The following GLI3 variants were observed in gnomAD, a reference collection of about 807,000 sequenced individuals.
GLI3 encodes the protein GLI family zinc finger 3, also known as transcription activator GLI3.
In GLI3, 20 loss-of-function variants were observed where a neutral mutation model predicts 100.8. The observed-to-expected ratio is 0.20, with a 90% CI of 0.14 to 0.29. The LOEUF (loss-of-function observed/expected upper bound fraction) is 0.29. Ranked by LOEUF, GLI3 falls within the 10% of genes least tolerant of loss-of-function variation. The pLI is 1.00. For synonymous variants in GLI3, 938 were observed against 860.5 expected, an observed-to-expected ratio of 1.09 and a Z score of -1.58; for missense variants, 2,040 against 2,128.5, an observed-to-expected ratio of 0.96 and a Z score of 0.82.
chr7:42,022,280 A>G (rs184399726), intron 10 of GLI3, among the ~76,000 whole-genome samples: 38 of 152,334 alleles, frequency 2.5e-4, no homozygotes, highest in African/African-American at 8.7e-4. Context: ...TGTAACTGCA[A>G]TGCGTGGAAT....
At position 42,045,762 on chromosome 7, in the gene GLI3, TG is replaced by T. The variant is rs545230702; in HGVS notation, c.680-233del. Among the ~76,000 whole-genome samples, 93 of 152,356 alleles carry T rather than the reference TG, an allele frequency of 6.1e-4. 6 individuals are homozygous for T. The South Asian group carries it at 0.019, about 31-fold the overall frequency. On this transcript the variant is annotated intron_variant, in intron 5 of 14. Transcript: ENST00000395925. ...AAAGTGAAATGCATTACTAAGTTTTTGTTGTTGGTCTAAGAAATTATCAACA... is the reference window on the plus strand; with the variant it reads ...AAAGTGAAATGCATTACTAAGTTTTTTTGTTGGTCTAAGAAATTATCAACA...
intron 3 of GLI3, among the ~76,000 whole-genome samples, chr7:42,084,590 C>T (rs1229093452): frequency 6.6e-6 from 1 of 152,138 alleles, no homozygotes; most frequent in Non-Finnish European, 1.5e-5. Flanking sequence ...GCTTTCCTGC[C>T]AGGATAAGAG....
At chr7:42,026,135 G>T in intron 8 of GLI3, 64 bp downstream of exon 8, 1 of 1,047,226 alleles carries the variant, frequency 9.5e-7, no homozygotes, top group South Asian at 1.3e-5. Context: ...AACAGCTGAC[G>T]TGGTGGCCTG....
intron 2 of GLI3, among the ~76,000 whole-genome samples, chr7:42,189,008 C>A (rs777947460): frequency 1.3e-5 from 2 of 152,036 alleles, no homozygotes; most frequent in Admixed American, 6.5e-5. Context: ...GGTGATAATG[C>A]GATGTCCATG....
At position 42,023,490 on chromosome 7, in the gene GLI3, T is replaced by A; in HGVS notation, c.1475A>T (p.Asp492Val). The change falls in exon 10 of 15, where the codon GAC becomes GTC. Residue 492 changes from aspartate to valine, a missense_variant. By Grantham distance (152) the Asp-to-Val change is radical (BLOSUM62 -3). Coordinates refer to ENST00000395925, the MANE Select transcript of GLI3 (RefSeq NM_000168.6). ...TACGTGCACAAGCTGCTCTTGGGTG[T>A]CGAACTCCCTCGCGCAGCCTTCCCA... ...CHWEGCAREF[D>V]TQEQLVHHIN... The A allele has an allele frequency of 6.2e-7, 1 of 1,614,192 alleles. No homozygotes were observed. The highest frequency in any genetic ancestry group is 1.1e-5 in the South Asian group (1 of 91,088).
At chr7:42,005,575 C>T (rs1012972995) in intron 10 of GLI3, among the ~76,000 whole-genome samples, 58 of 151,776 alleles carry the variant, frequency 3.8e-4, no homozygotes, top group Non-Finnish European at 6.6e-4. Flanking sequence ...CTTTTGTACC[C>T]TTGGCAGGGA....
intron 3 of GLI3, among the ~76,000 whole-genome samples, chr7:42,138,408 TGA>T (rs1369854902): frequency 6.6e-6 from 1 of 152,190 alleles, no homozygotes; most frequent in Non-Finnish European, 1.5e-5. Flanking sequence ...GACCTATATA[TGA>T]GAGGTAAACT....
chr7:42,238,130 C>T (rs1412931150), upstream of GLI3, among the ~76,000 whole-genome samples: 1 of 151,696 alleles, frequency 6.6e-6, no homozygotes, highest in Non-Finnish European at 1.5e-5. Flanking sequence ...CCCGGCGCGC[C>T]GAAGCCCCAC....
chr7:42,090,436 T>C (rs1438219187), intron 3 of GLI3, among the ~76,000 whole-genome samples: 1 of 152,224 alleles, frequency 6.6e-6, no homozygotes, highest in Non-Finnish European at 1.5e-5. Context: ...TTGACCTGAA[T>C]ATCCTTAGGC....
intron 3 of GLI3, among the ~76,000 whole-genome samples, chr7:42,141,952 G>A (rs1786577885): frequency 6.6e-6 from 1 of 152,114 alleles, no homozygotes; most frequent in Admixed American, 6.5e-5. Context: ...GCCCTATGGT[G>A]GCACGCATGA....
chr7:42,164,818 A>C (rs1051370965), intron 2 of GLI3, among the ~76,000 whole-genome samples: 2 of 150,722 alleles, frequency 1.3e-5, no homozygotes, highest in African/African-American at 4.9e-5. Flanking sequence ...CAACAGAGCG[A>C]GACTATGTGT....
chr7:42,188,458 T>C (rs1211153034), intron 2 of GLI3, among the ~76,000 whole-genome samples: 1 of 152,162 alleles, frequency 6.6e-6, no homozygotes, highest in Non-Finnish European at 1.5e-5. Context: ...AAGGAATTTA[T>C]AAAAATAATC....
intron 3 of GLI3, 87 bp downstream of exon 3, chr7:42,148,131 GCGCGCACA>G: frequency 3.4e-6 from 4 of 1,181,904 alleles, no homozygotes; most frequent in African/African-American, 1.9e-5. Context: ...ACTTCATAAA[GCGCGCACA>G]CACACACACA....
rs189409415 is a variant in GLI3 at position 42,154,245 on chromosome 7, C to A, written c.125-5777G>T. 1.8e-3 allele frequency among the ~76,000 whole-genome samples: 280 copies of A among 152,302 alleles called. 1 individual carries two copies. The highest frequency in any genetic ancestry group is 6.5e-3 in the African/African-American group (271 of 41,566). On this transcript the variant is annotated intron_variant, in intron 2 of 14. Transcript: ENST00000395925. ...AATCTATGGGGAGACACTGGACCCA[C>A]GTGGAGGACCCGCACAGGTGCAATC...
chr7:42,002,519 A>G (rs1788331290), intron 10 of GLI3, among the ~76,000 whole-genome samples: 1 of 152,244 alleles, frequency 6.6e-6, no homozygotes, highest in African/African-American at 2.4e-5. Flanking sequence ...AGAAACAAGT[A>G]GAGACAAAAT....
chr7:42,100,367 G>A lies in GLI3; in HGVS notation c.368-23510C>T, dbSNP rs574853471. 4.9e-4 allele frequency among the ~76,000 whole-genome samples: 75 copies of A among 152,258 alleles called. No homozygotes were observed. The South Asian group carries it at 0.015, about 31-fold the overall frequency. ...TAAATGTGACCATATTTGGAAATAG[G>A]GCTTTGCAGAAGCAATCAGGTTAGA... On this transcript the variant is annotated intron_variant, in intron 3 of 14. Transcript: ENST00000395925.
In GLI3 at chr7:41,966,075, G is replaced by C; in HGVS notation, c.2998C>G (p.His1000Asp). 6.4e-7 allele frequency: 1 copy of C among 1,573,138 alleles called. No homozygotes were observed. The highest frequency in any genetic ancestry group is 8.6e-7 in the Non-Finnish European group (1 of 1,165,736). ...GGGTCGCTGGCCCTCCTCACGCCGT[G>C]GCCCGGCGCATCGTGCGGCTGCAGG... is the stretch of plus-strand genomic sequence containing the variant. ...RHLQPHDAPG[H>D]GVRRASDPVR... The change falls in exon 15 of 15, where the codon CAC becomes GAC. Residue 1000 changes from histidine to aspartate, a missense_variant. His to Asp is a moderately conservative substitution (Grantham distance 81). Around this residue, in one of 5 missense-constraint regions of GLI3, gnomAD observed 1,041 missense variants for 924.0 expected, o/e 1.13. Transcript: ENST00000395925. This position sits in a 1 kb window ranked among gnomAD's most constrained non-coding sequence, Gnocchi z 5.8.
chr7:42,225,384 G>A (rs1216854092), intron 1 of GLI3, among the ~76,000 whole-genome samples: 1 of 152,186 alleles, frequency 6.6e-6, no homozygotes, highest in Admixed American at 6.5e-5. Context: ...TTTTGAGACA[G>A]AGTCTCACTC....
chr7:42,202,378 ACAC>A, intron 2 of GLI3, among the ~76,000 whole-genome samples: 1 of 140,550 alleles, frequency 7.1e-6, no homozygotes, highest in South Asian at 2.3e-4. Context: ...ACACACACAC[ACAC>A]ACTCACACAC....
Sources: gnomAD v4.1 joint callset for allele counts (sites outside exome capture counted in the v4.1 genomes callset) on GRCh38, gnomAD v4.1.1 for gene constraint, gnomAD v4.1.1 regional missense constraint, Gnocchi (gnomAD v3.1) non-coding constraint, MANE v1.5 for transcripts, NCBI Gene and HGNC (gene_info 2026-07-23, HGNC 2026-07-21) for gene names.